The following IKZF2 variants were observed in gnomAD, a reference collection of about 807,000 sequenced individuals.
IKZF2 encodes the protein IKAROS family zinc finger 2, also known as zinc finger protein Helios.
In IKZF2, 15 loss-of-function variants were observed where a neutral mutation model predicts 49.2. The observed-to-expected ratio is 0.30, with a 90% confidence interval of 0.20 to 0.47. IKZF2 has a LOEUF of 0.47. IKZF2 is among the 20% of genes least tolerant of loss of function. The pLI is 1.00. For missense variants in IKZF2, 567 were observed against 664.6 expected (o/e 0.85, Z 1.61); for synonymous variants, 227 against 221.4 (o/e 1.03, Z -0.23).
At chr2:213,122,699 C>T (rs780372870) in intron 4 of IKZF2, among the ~76,000 whole-genome samples, 1 of 152,186 alleles carries the variant, frequency 6.6e-6, no homozygotes, top group Non-Finnish European at 1.5e-5. Context: ...TATATCCAAT[C>T]ATTTCTCAGC....
chr2:213,035,681 G>A (rs1698951879), intron 6 of IKZF2, among the ~76,000 whole-genome samples: 1 of 152,214 alleles, frequency 6.6e-6, no homozygotes, highest in African/African-American at 2.4e-5. Context: ...ACCTCGGGTT[G>A]CAAAGAACCC....
At chr2:213,141,854 T>C (rs940868969) in intron 4 of IKZF2, among the ~76,000 whole-genome samples, 1 of 152,044 alleles carries the variant, frequency 6.6e-6, no homozygotes, top group East Asian at 1.9e-4. Context: ...CAAATATTTA[T>C]TGAATTGATC....
At chr2:213,136,958 A>C (rs1016874864) in intron 4 of IKZF2, among the ~76,000 whole-genome samples, 7 of 152,296 alleles carry the variant, frequency 4.6e-5, no homozygotes, top group African/African-American at 1.7e-4. Flanking sequence ...CTGAAAAAAT[A>C]TCTCTTCAAA....
chr2:213,052,866 T>C (rs1416468837), intron 5 of IKZF2, among the ~76,000 whole-genome samples: 2 of 152,130 alleles, frequency 1.3e-5, no homozygotes, highest in African/African-American at 4.8e-5. Context: ...TAAAATTATC[T>C]GATAATTAAG....
At chr2:213,112,099 TTA>T (rs1022670858) in intron 4 of IKZF2, among the ~76,000 whole-genome samples, 1 of 152,072 alleles carries the variant, frequency 6.6e-6, no homozygotes, top group Non-Finnish European at 1.5e-5. Flanking sequence ...AACTAATAGA[TTA>T]TGTTTGATAA....
At position 213,005,189 on chromosome 2, in the gene IKZF2, G is replaced by GTT. The variant is rs74811505; in HGVS notation, c.*2170_*2171insAA. The GTT allele has an allele frequency of 3.8e-5, 5 of 129,942 alleles. No individual in the cohort carries two copies. Among genetic ancestry groups the GTT allele is most frequent in the African/African-American group, 5.3e-5 (2 of 37,438 alleles). 8.0% of individuals were successfully genotyped at this position (129,942 alleles called of 1,614,324 possible). A position where few individuals can be genotyped will look rare whatever the true frequency, so the allele number is the denominator to read the frequency against. The stretch of plus-strand genomic sequence containing the variant: ...CCCAATTATTATTTGGGAGTGGTTG[G>GTT]GTGGGGGGGGGTGAGCGAGTCTCAA... On this transcript the variant is annotated 3_prime_UTR_variant, in exon 9 of 9. Transcript: ENST00000434687.
intron 4 of IKZF2, among the ~76,000 whole-genome samples, chr2:213,068,629 TA>T: frequency 6.6e-6 from 1 of 152,176 alleles, no homozygotes; most frequent in South Asian, 2.1e-4. Flanking sequence ...AAATCTGGGG[TA>T]AAGATCTACC....
chr2:213,150,904 G>GGT (rs1553606086), intron 1 of IKZF2, among the ~76,000 whole-genome samples: 4 of 139,096 alleles, frequency 2.9e-5, no homozygotes, highest in African/African-American at 1.1e-4. Flanking sequence ...AGGGTTTTTG[G>GGT]TTTTTTTTTT....
chr2:213,115,011 A>G (rs557934518), intron 4 of IKZF2, among the ~76,000 whole-genome samples: 37 of 152,352 alleles, frequency 2.4e-4, no homozygotes, highest in South Asian at 1.9e-3. Context: ...AAAAGTTACA[A>G]CAGTGTAGTT....
At chr2:213,124,086 C>G (rs1324250065) in intron 4 of IKZF2, among the ~76,000 whole-genome samples, 1 of 152,070 alleles carries the variant, frequency 6.6e-6, no homozygotes, top group Admixed American at 6.5e-5. Flanking sequence ...TCCCAGAGAC[C>G]ACCTGTCATG....
At chr2:213,044,534 A>T (rs1284691157) in intron 6 of IKZF2, among the ~76,000 whole-genome samples, 2 of 152,202 alleles carry the variant, frequency 1.3e-5, no homozygotes, top group Admixed American at 1.3e-4. Context: ...ATGATTATTC[A>T]AATTGTCACT....
chr2:213,142,744 C>T (rs1266178327), intron 4 of IKZF2, among the ~76,000 whole-genome samples: 1 of 151,932 alleles, frequency 6.6e-6, no homozygotes, highest in African/African-American at 2.4e-5. Context: ...TGCTTCTGAG[C>T]CTCAGTTTTA....
At chr2:213,064,942 A>AT (rs1384874385) in intron 4 of IKZF2, among the ~76,000 whole-genome samples, 2 of 152,038 alleles carry the variant, frequency 1.3e-5, no homozygotes, top group African/African-American at 2.4e-5. Flanking sequence ...GTCTTCAAGA[A>AT]CTGCCTACTG....
chr2:213,055,179 A>C (rs1471284629), intron 5 of IKZF2, among the ~76,000 whole-genome samples: 1 of 152,116 alleles, frequency 6.6e-6, no homozygotes. Context: ...AGATAGGAGA[A>C]GTTACACATT....
chr2:213,147,357 G>C, intron 4 of IKZF2: 1 of 476,088 alleles, frequency 2.1e-6, no homozygotes, highest in Non-Finnish European at 3.7e-6. Flanking sequence ...TTTTTTAACT[G>C]TGAAGAGTCC....
At chr2:213,083,867 T>C (rs1374848480) in intron 4 of IKZF2, among the ~76,000 whole-genome samples, 1 of 151,602 alleles carries the variant, frequency 6.6e-6, no homozygotes, top group African/African-American at 2.4e-5. Flanking sequence ...AGATTCTACA[T>C]TATGATGAGT....
chr2:213,124,244 GCGCGCGCGCACACACACACACACA>G (rs1426674269), intron 4 of IKZF2, among the ~76,000 whole-genome samples: 2 of 78,998 alleles, frequency 2.5e-5, no homozygotes, highest in Non-Finnish European at 5.3e-5. Flanking sequence ...ATGCGCTCGC[GCGCGCGCGCACACACACACACACA>G]CACACACACA....
intron 4 of IKZF2, among the ~76,000 whole-genome samples, chr2:213,080,432 G>A (rs1249445471): frequency 1.3e-5 from 2 of 152,002 alleles, no homozygotes; most frequent in Admixed American, 1.3e-4. Context: ...GAGAAAACGA[G>A]GAGAACAAAT....
intron 4 of IKZF2, among the ~76,000 whole-genome samples, chr2:213,137,135 CA>C (rs1044566340): frequency 4.0e-5 from 6 of 149,068 alleles, no homozygotes; most frequent in Admixed American, 6.7e-5. Flanking sequence ...TTTTTATTTC[CA>C]AAAAAAAATT....
Sources: allele counts gnomAD v4.1 joint callset (sites outside exome capture counted in the v4.1 genomes callset), GRCh38; gene constraint gnomAD v4.1.1; transcripts MANE v1.5; gene names NCBI Gene and HGNC (gene_info 2026-07-23, HGNC 2026-07-21).